Variants in RTN1 observed in about 807,000 individuals in gnomAD.
The protein encoded by RTN1 is reticulon 1.
Under a neutral mutation model 65.5 loss-of-function variants are expected in RTN1, and 25 were observed. The observed-to-expected ratio is 0.38, with a 90% CI of 0.28 to 0.53. The LOEUF (loss-of-function observed/expected upper bound fraction) is 0.53, where lower values mean the gene tolerates loss of function less well. RTN1 is among the 20% of genes least tolerant of loss of function. The probability of loss-of-function intolerance (pLI) is 0.79; values close to 1 mark genes in which losing one functional copy is unlikely to be tolerated. For synonymous variants in RTN1, 471 were observed against 447.6 expected (o/e 1.05, Z -0.66); for missense variants, 983 against 1,025.4 (o/e 0.96, Z 0.57).
intron 1 of RTN1, among the ~76,000 whole-genome samples, chr14:59,861,829 TTAAC>T (rs1373778207): frequency 2.5e-4 from 38 of 152,308 alleles, no homozygotes; most frequent in African/African-American, 9.1e-4. Context: ...CTTAATTTCT[TTAAC>T]TATCTCTCAA....
chr14:59,661,007 GA>G (rs1186054720), intron 3 of RTN1, among the ~76,000 whole-genome samples: 1 of 150,574 alleles, frequency 6.6e-6, no homozygotes, highest in Non-Finnish European at 1.5e-5. Context: ...TAATAAAGAA[GA>G]AAAAAGAGAA....
At chr14:59,799,214 C>T (rs1442887485) in intron 1 of RTN1, among the ~76,000 whole-genome samples, 1 of 152,136 alleles carries the variant, frequency 6.6e-6, no homozygotes, top group African/African-American at 2.4e-5. Context: ...AAGGATAGTA[C>T]ACTTAGTCTG....
At chr14:59,863,004 CTCTG>C (rs905808983) in intron 1 of RTN1, among the ~76,000 whole-genome samples, 2 of 152,146 alleles carry the variant, frequency 1.3e-5, no homozygotes, top group Non-Finnish European at 2.9e-5. Context: ...GTGCCCTCTC[CTCTG>C]TCTTTCCTCC....
intron 3 of RTN1, among the ~76,000 whole-genome samples, chr14:59,659,563 A>G (rs1388627982): frequency 6.6e-6 from 1 of 152,236 alleles, no homozygotes; most frequent in Non-Finnish European, 1.5e-5. Context: ...CCCACAAGCC[A>G]GAAGAGAGTG....
intron 2 of RTN1, among the ~76,000 whole-genome samples, chr14:59,742,903 C>T (rs1156472565): frequency 2.0e-5 from 3 of 152,078 alleles, no homozygotes; most frequent in Non-Finnish European, 4.4e-5. Context: ...TCAGAAACCT[C>T]GCAGGATAAA....
intron 1 of RTN1, among the ~76,000 whole-genome samples, chr14:59,851,743 G>C (rs187484039): frequency 1.4e-4 from 22 of 151,804 alleles, no homozygotes; most frequent in Non-Finnish European, 2.6e-4. Flanking sequence ...TGTAGTCCCA[G>C]CTATTCGGGA....
At chr14:59,644,623 C>T (rs978230844) in intron 3 of RTN1, among the ~76,000 whole-genome samples, 4 of 152,328 alleles carry the variant, frequency 2.6e-5, no homozygotes, top group Admixed American at 6.5e-5. Context: ...GGGGACTGAG[C>T]AGTGACAGTC....
chr14:59,743,159 T>C (rs1023098563), intron 2 of RTN1, among the ~76,000 whole-genome samples: 2 of 152,180 alleles, frequency 1.3e-5, no homozygotes, highest in South Asian at 2.1e-4. Flanking sequence ...CAACCCAACA[T>C]CGTAAAACTC....
At chr14:59,709,631 T>G (rs1419148450) in intron 3 of RTN1, among the ~76,000 whole-genome samples, 11 of 152,156 alleles carry the variant, frequency 7.2e-5, no homozygotes, top group Admixed American at 7.2e-4. Context: ...GCCCCCTGCC[T>G]TGTGGTGCCA....
intron 1 of RTN1, among the ~76,000 whole-genome samples, chr14:59,770,378 CAAAAAAAAAAAAAA>C (rs774086177): frequency 1.9e-5 from 1 of 53,752 alleles, no homozygotes; most frequent in African/African-American, 9.4e-5. Context: ...AACTCTGCCT[CAAAAAAAAAAAAAA>C]AAAAAAAAAA....
chr14:59,706,006 G>C (rs533768389), intron 3 of RTN1, among the ~76,000 whole-genome samples: 4 of 152,172 alleles, frequency 2.6e-5, no homozygotes, highest in Non-Finnish European at 4.4e-5. Flanking sequence ...ACCTGACTAA[G>C]GGAAGTTCAT....
At chr14:59,654,382 T>C (rs964004369) in intron 3 of RTN1, among the ~76,000 whole-genome samples, 1 of 149,924 alleles carries the variant, frequency 6.7e-6, no homozygotes, top group Non-Finnish European at 1.5e-5. Context: ...TGAGCCAAGA[T>C]TGTGCCACGG....
In RTN1 at chr14:59,870,425, C is replaced by A; in HGVS notation, c.206G>T (p.Arg69Leu). Residue 69 changes from arginine to leucine, a missense_variant, in exon 1 of 9, where the codon CGG becomes CTG. Coordinates refer to ENST00000267484, the MANE Select transcript of RTN1 (RefSeq NM_021136.3). The surrounding 1 kb of genome is among the most constrained non-coding windows in gnomAD (Gnocchi z 5.1). The part of the protein sequence containing the change: ...ASREAGSGPA[R>L]QSPVAMETAS... ...AGTTTCCATGGCAACGGGCGACTGC[C>A]GGGCGGGGCCCGAGCCGGCTTCCCG... 6.6e-7 allele frequency: 1 copy of A among 1,519,684 alleles called. No homozygotes were observed. The highest frequency in any genetic ancestry group is 2.7e-5 in the East Asian group (1 of 36,740). 94.1% of individuals were successfully genotyped at this position (1,519,684 alleles called of 1,614,324 possible).
chr14:59,705,444 C>T lies in RTN1; in HGVS notation c.1765+21475G>A, dbSNP rs888812444. Among the ~76,000 whole-genome samples, 11 of 152,324 alleles carry T rather than the reference C, an allele frequency of 7.2e-5. 1 individual carries two copies. Among genetic ancestry groups the T allele is most frequent in the Admixed American group, 2.0e-4 (3 of 15,306 alleles). On this transcript the variant is annotated intron_variant, in intron 3 of 8. Transcript: ENST00000267484. ...GGTGTACTAGCTATCACTACAGCAT[C>T]TGATAATGATACTCAAGCTATTAAA...
rs1415474933 is a variant in RTN1, at chr14:59,816,388, C to CA, written c.241+54001dup. On this transcript the variant is annotated intron_variant, in intron 1 of 8. Transcript: ENST00000267484. This position sits in a 1 kb window ranked among gnomAD's most constrained non-coding sequence, Gnocchi z 4.3. ...ACCACTACAGTTGACCATATGGTAA[C>CA]AAGGCTAATTGCCTGCCTTCTCCAA... Among the ~76,000 whole-genome samples, 1 of 152,148 alleles carries CA rather than the reference C, an allele frequency of 6.6e-6. No individual in the cohort carries two copies. The highest frequency in any genetic ancestry group is 1.5e-5 in the Non-Finnish European group (1 of 68,032).
At position 59,789,413 on chromosome 14, in the gene RTN1, TTA is replaced by T. The variant is rs1379650279; in HGVS notation, c.242-42934_242-42933del. Among the ~76,000 whole-genome samples the T allele has an allele frequency of 1.2e-4, 19 of 152,304 alleles. No homozygotes were observed. The South Asian group carries it at 3.9e-3, about 32-fold the overall frequency. On this transcript the variant is annotated intron_variant, in intron 1 of 8. Transcript: ENST00000267484. ...ACTTCCTTTTCTTAAAGATTGAATT[TTA>T]TCAAGTGCCTCTTTGGCATCTATTA...
intron 1 of RTN1, among the ~76,000 whole-genome samples, chr14:59,775,027 T>C (rs1886025098): frequency 6.6e-6 from 1 of 152,176 alleles, no homozygotes; most frequent in Non-Finnish European, 1.5e-5. Flanking sequence ...TGCCACATTA[T>C]AAGGTATTAC....
chr14:59,772,246 A>T (rs928735473), intron 1 of RTN1, among the ~76,000 whole-genome samples: 1 of 152,242 alleles, frequency 6.6e-6, no homozygotes, highest in African/African-American at 2.4e-5. Context: ...CATGTTGTTT[A>T]TACATCTTTT....
At chr14:59,668,740 T>C (rs535684295) in intron 3 of RTN1, among the ~76,000 whole-genome samples, 5 of 151,998 alleles carry the variant, frequency 3.3e-5, no homozygotes, top group African/African-American at 1.2e-4. Flanking sequence ...CTACAAAGAA[T>C]TCAAACAAAT....
Sources: gnomAD v4.1 joint callset for allele counts (sites outside exome capture counted in the v4.1 genomes callset) on GRCh38, gnomAD v4.1.1 for gene constraint, Gnocchi (gnomAD v3.1) non-coding constraint, MANE v1.5 for transcripts, NCBI Gene and HGNC (gene_info 2026-07-23, HGNC 2026-07-21) for gene names.